The following PRMT8 variants were observed in gnomAD, a reference collection of about 807,000 sequenced individuals.
PRMT8 encodes the protein protein arginine methyltransferase 8.
In PRMT8, 7 loss-of-function variants were observed where a neutral mutation model predicts 47.1. That is an observed-to-expected ratio of 0.15 (90% CI 0.08 to 0.28). The LOEUF is 0.28. Ranked by LOEUF, PRMT8 falls within the 10% of genes least tolerant of loss-of-function variation. The pLI is 1.00. For missense variants in PRMT8, 237 were observed against 505.4 expected, an observed-to-expected ratio of 0.47 and a Z score of 5.09; for synonymous variants, 188 against 186.5, an observed-to-expected ratio of 1.01 and a Z score of -0.07.
At chr12:3,480,819 C>T (rs1348646072) in intron 1 of PRMT8, among the ~76,000 whole-genome samples, 1 of 152,190 alleles carries the variant, frequency 6.6e-6, no homozygotes, top group African/African-American at 2.4e-5. Flanking sequence ...GGTGCTTGAC[C>T]TCCCACCATT....
At chr12:3,563,347 T>A (rs1220575010) in intron 4 of PRMT8, among the ~76,000 whole-genome samples, 1 of 151,158 alleles carries the variant, frequency 6.6e-6, no homozygotes, top group Admixed American at 6.6e-5. Context: ...GACCCTCGAG[T>A]CCTATGTTCT....
intron 1 of PRMT8, among the ~76,000 whole-genome samples, chr12:3,468,658 A>G (rs981874346): frequency 8.5e-5 from 13 of 152,266 alleles, no homozygotes; most frequent in East Asian, 3.8e-4. Flanking sequence ...GTAAAAATGT[A>G]TAGCACAATG....
intron 1 of PRMT8, among the ~76,000 whole-genome samples, chr12:3,393,188 A>C (rs183522330): frequency 0.072 from 10,938 of 151,574 alleles, 1,204 homozygotes; most frequent in African/African-American, 0.24. Flanking sequence ...ATGGTAGTTT[A>C]TTTTGCTGTG....
Position 3,550,288 on chromosome 12 carries a change from T to G in PRMT8, c.417+197T>G. ...CTGTCCCCTGTGCATGGCTCCTGGA[T>G]CCTTACAACCACTGACATTTGCGGA... is the stretch of plus-strand genomic sequence containing the variant. On this transcript the variant is annotated intron_variant, in intron 3 of 9. Coordinates refer to ENST00000382622, the MANE Select transcript of PRMT8 (RefSeq NM_019854.5). The surrounding 1 kb of genome is among the most constrained non-coding windows in gnomAD (Gnocchi z 5.1). 1 of 587,760 alleles carries G rather than the reference T, an allele frequency of 1.7e-6. No homozygotes were observed. Among genetic ancestry groups the G allele is most frequent in the East Asian group, 2.8e-5 (1 of 35,144 alleles). The allele number at this position is 587,760 out of a possible 1,614,324, so 36.4% of individuals were successfully genotyped here. A position where few individuals can be genotyped will look rare whatever the true frequency, so the allele number is the denominator to read the frequency against.
chr12:3,475,601 C>T (rs552942753), intron 1 of PRMT8, among the ~76,000 whole-genome samples: 1 of 152,326 alleles, frequency 6.6e-6, no homozygotes, highest in South Asian at 2.1e-4. Flanking sequence ...GCTACCACCT[C>T]CTGAGTTGTT....
At chr12:3,489,841 A>G (rs58833094), upstream of PRMT8, among the ~76,000 whole-genome samples, 384 of 144,836 alleles carry the variant, frequency 2.7e-3, 3 homozygotes, top group African/African-American at 6.7e-3. Context: ...ACACGCGCGC[A>G]CACACACACA....
In PRMT8 at chr12:3,493,649, G is replaced by A. The variant is rs952001655; in HGVS notation, c.75+1949G>A. ...CGAGGGTTAAAGGCGTCCGGAGCAGGCAGAGCGCCGCGCGCCAGTCTATTT... is the reference window on the plus strand; with the variant it reads ...CGAGGGTTAAAGGCGTCCGGAGCAGACAGAGCGCCGCGCGCCAGTCTATTT... On this transcript the variant is annotated intron_variant, in intron 1 of 9. Coordinates refer to ENST00000382622, the MANE Select transcript of PRMT8 (RefSeq NM_019854.5). The surrounding 1 kb of genome is among the most constrained non-coding windows in gnomAD (Gnocchi z 8.2). Among the ~76,000 whole-genome samples the A allele has an allele frequency of 2.6e-5, 4 of 152,352 alleles. No homozygotes were observed. The highest frequency in any genetic ancestry group is 2.0e-4 in the Admixed American group (3 of 15,314).
At chr12:3,490,555 G>GGA (rs1431642735), upstream of PRMT8, among the ~76,000 whole-genome samples, 1 of 149,890 alleles carries the variant, frequency 6.7e-6, no homozygotes, top group Non-Finnish European at 1.5e-5. Flanking sequence ...GTGGGGGGGG[G>GGA]GGCACTGCAG....
At chr12:3,573,608 A>G (rs1205618594) in intron 6 of PRMT8, among the ~76,000 whole-genome samples, 1 of 152,240 alleles carries the variant, frequency 6.6e-6, no homozygotes, top group Non-Finnish European at 1.5e-5. Context: ...ACCTATGTCC[A>G]GAAAAGAGCA....
intron 1 of PRMT8, among the ~76,000 whole-genome samples, chr12:3,510,807 C>T (rs1408346110): frequency 2.6e-5 from 4 of 152,280 alleles, no homozygotes; most frequent in South Asian, 2.1e-4. Flanking sequence ...ACCTCCACCT[C>T]GGGAGTGCAC....
intron 1 of PRMT8, among the ~76,000 whole-genome samples, chr12:3,539,070 T>A (rs1866173829): frequency 6.6e-6 from 1 of 152,198 alleles, no homozygotes; most frequent in Non-Finnish European, 1.5e-5. Context: ...TGTCCTAGGA[T>A]TCCCCTGTTT....
chr12:3,486,181 C>A (rs1334623111), intron 1 of PRMT8, among the ~76,000 whole-genome samples: 1 of 152,164 alleles, frequency 6.6e-6, no homozygotes, highest in African/African-American at 2.4e-5. Flanking sequence ...CACTTGGAAT[C>A]TACCATGCTT....
intron 4 of PRMT8, among the ~76,000 whole-genome samples, chr12:3,565,663 C>G (rs763156428): frequency 5.9e-5 from 9 of 152,194 alleles, no homozygotes; most frequent in African/African-American, 1.7e-4. Flanking sequence ...CTGTGACCCC[C>G]TATATCTAGC....
intron 1 of PRMT8, among the ~76,000 whole-genome samples, chr12:3,465,800 T>C (rs1454070228): frequency 6.6e-6 from 1 of 152,240 alleles, no homozygotes; most frequent in East Asian, 1.9e-4. Context: ...GTCCTGCTAA[T>C]AGCATTTGCT....
Position 3,471,565 on chromosome 12 carries a change from C to A in PRMT8, c.49-69041C>A, listed in dbSNP as rs572079997. 5.9e-5 allele frequency among the ~76,000 whole-genome samples: 9 copies of A among 151,736 alleles called. No individual in the cohort carries two copies. The South Asian group carries it at 6.3e-4, about 11-fold the overall frequency. On this transcript the variant is annotated intron_variant, in intron 1 of 9. Coordinates refer to the PRMT8 transcript ENST00000452611. ...GCACGATGCCTCCTCAGTCACCCCC[C>A]CTTGGCCCTGAGTCCCCCAACCCCT...
rs557989524 is a variant in PRMT8 at position 3,381,528 on chromosome 12, T to G, written c.48+86T>G. The G allele has an allele frequency of 1.5e-5, 21 of 1,379,428 alleles. No individual in the cohort carries two copies. The African/African-American group carries it at 2.3e-4, about 15-fold the overall frequency. The allele number at this position is 1,379,428 out of a possible 1,614,324, so 85.4% of individuals were successfully genotyped here. ...TTTATCTTGACCCCGTGTGGGCTGT[T>G]GGCTTTTTTCCTCTTTGTCATCTGC... On this transcript the variant is annotated intron_variant, in intron 1 of 9. Transcript: ENST00000452611.
At chr12:3,506,835 C>T (rs933326474) in intron 1 of PRMT8, among the ~76,000 whole-genome samples, 3 of 152,108 alleles carry the variant, frequency 2.0e-5, no homozygotes, top group African/African-American at 7.2e-5. Context: ...TGACTTTCCC[C>T]TGTGCTCCTA....
intron 1 of PRMT8, among the ~76,000 whole-genome samples, chr12:3,478,897 A>T (rs184093590): frequency 6.6e-6 from 1 of 152,352 alleles, no homozygotes; most frequent in East Asian, 1.9e-4. Flanking sequence ...GTTAGTTTTA[A>T]AAAATAAAAG....
chr12:3,471,102 G>A (rs1865157636), intron 1 of PRMT8, among the ~76,000 whole-genome samples: 3 of 152,126 alleles, frequency 2.0e-5, no homozygotes, highest in Non-Finnish European at 4.4e-5. Flanking sequence ...TCTTCATAGA[G>A]CAGCAAGTGG....
Sources: allele counts gnomAD v4.1 joint callset (sites outside exome capture counted in the v4.1 genomes callset), GRCh38; gene constraint gnomAD v4.1.1; non-coding constraint Gnocchi (gnomAD v3.1); transcripts MANE v1.5; gene names NCBI Gene and HGNC (gene_info 2026-07-23, HGNC 2026-07-21).